Variants in SIN3B observed in about 807,000 individuals in gnomAD.
The protein encoded by SIN3B is SIN3 transcription regulator family member B, also known as paired amphipathic helix protein Sin3b.
A neutral mutation model predicts 120.2 loss-of-function variants in SIN3B; 19 were observed. The ratio of observed to expected loss-of-function variants is 0.16; its 90% CI spans 0.11 to 0.23. The LOEUF is 0.23. Ranked by LOEUF, SIN3B falls within the 10% of genes least tolerant of loss-of-function variation. The probability of loss-of-function intolerance (pLI) is 1.00; values close to 1 mark genes in which losing one functional copy is unlikely to be tolerated. For missense variants in SIN3B, 1,073 were observed against 1,573.0 expected (o/e 0.68, Z 5.38); for synonymous variants, 654 against 653.2 (o/e 1.00, Z -0.02).
chr19:16,869,169 C>T (rs1221025002), intron 12 of SIN3B, among the ~76,000 whole-genome samples: 1 of 152,158 alleles, frequency 6.6e-6, no homozygotes, highest in Non-Finnish European at 1.5e-5. Context: ...CCCCTGTGAA[C>T]CCCGCCCCAC....
intron 8 of SIN3B, among the ~76,000 whole-genome samples, chr19:16,861,861 C>T (rs944016697): frequency 1.3e-5 from 2 of 151,958 alleles, no homozygotes; most frequent in African/African-American, 2.4e-5. Context: ...CTTGAGCCCA[C>T]GAGTTTGAGG....
chr19:16,876,334 C>T lies in SIN3B; in HGVS notation c.2766+106C>T. The T allele has an allele frequency of 7.0e-7, 1 of 1,418,714 alleles. No homozygotes were observed. The highest frequency in any genetic ancestry group is 9.6e-7 in the Non-Finnish European group (1 of 1,042,316). 87.9% of individuals were successfully genotyped at this position (1,418,714 alleles called of 1,614,324 possible). ...TGGTTCAGCGGCTGGGACACCGGCC[C>T]TGCTGCAGAGCCCATGAGGTACCTT... On this transcript the variant is annotated intron_variant, in intron 15 of 18. Coordinates refer to ENST00000248054, the MANE Select transcript of SIN3B (RefSeq NM_001297595.2). This position sits in a 1 kb window ranked among gnomAD's most constrained non-coding sequence, Gnocchi z 7.1.
At chr19:16,873,225 C>T (rs376557146) in intron 14 of SIN3B, among the ~76,000 whole-genome samples, 6 of 152,252 alleles carry the variant, frequency 3.9e-5, no homozygotes, top group Admixed American at 6.5e-5. Flanking sequence ...AAGCTATCCA[C>T]GGTGTTTGCG....
Position 16,879,163 on chromosome 19 carries a change from G to T in SIN3B, c.*436G>T, listed in dbSNP as rs568857647. On this transcript the variant is annotated 3_prime_UTR_variant, in exon 19 of 19. Transcript: ENST00000248054. ...GAGACCCTGACAAGGAAGGAGTTGA[G>T]CCCTGGGTAGGCTTGCTTGAAAAGT... 2.9e-4 allele frequency: 55 copies of T among 191,276 alleles called. 1 individual carries two copies. The highest frequency in any genetic ancestry group is 2.6e-3 in the Admixed American group (46 of 17,956). The allele number at this position is 191,276 out of a possible 1,614,324, so 11.8% of individuals were successfully genotyped here.
chr19:16,867,847 C>T (rs1327143784), intron 12 of SIN3B, among the ~76,000 whole-genome samples: 1 of 152,204 alleles, frequency 6.6e-6, no homozygotes, highest in Non-Finnish European at 1.5e-5. Flanking sequence ...CTGGCTTCCT[C>T]ACTCTAGTCC....
At chr19:16,831,160 G>A (rs1971273864) in intron 2 of SIN3B, among the ~76,000 whole-genome samples, 1 of 151,742 alleles carries the variant, frequency 6.6e-6, no homozygotes, top group African/African-American at 2.4e-5. Flanking sequence ...CCTCCCGGGT[G>A]CAAGTGATTC....
At chr19:16,845,855 A>G (rs769819841) in intron 4 of SIN3B, among the ~76,000 whole-genome samples, 2 of 152,140 alleles carry the variant, frequency 1.3e-5, no homozygotes, top group Admixed American at 6.5e-5. Context: ...CCAAGTAACT[A>G]GGACCACAGG....
chr19:16,869,130 C>G (rs1045856944), intron 12 of SIN3B, among the ~76,000 whole-genome samples: 5 of 152,136 alleles, frequency 3.3e-5, no homozygotes, highest in African/African-American at 1.2e-4. Flanking sequence ...CTGGGCTGAG[C>G]GACAGACCCA....
rs377659017 is a variant in SIN3B at position 16,848,863 on chromosome 19, C to G, written c.726+1750C>G. On this transcript the variant is annotated intron_variant, in intron 5 of 18. Coordinates refer to ENST00000248054, the MANE Select transcript of SIN3B (RefSeq NM_001297595.2). ...ATGTTGTCCAGGTTGGTCTCAGACT[C>G]CTGGCCTCAAGCGATCCTCCCACCT... Among the ~76,000 whole-genome samples the G allele has an allele frequency of 1.4e-4, 22 of 152,334 alleles. 1 individual carries two copies. Among genetic ancestry groups the G allele is most frequent in the Middle Eastern group, 6.8e-3 (2 of 294 alleles).
intron 6 of SIN3B, 96 bp from the exon 7 acceptor site, chr19:16,852,973 A>T: frequency 1.0e-6 from 1 of 957,850 alleles, no homozygotes. Context: ...CCCAAAGGAG[A>T]GCACGGTCTT....
At chr19:16,859,087 G>A (rs984246705) in intron 8 of SIN3B, among the ~76,000 whole-genome samples, 2 of 152,188 alleles carry the variant, frequency 1.3e-5, no homozygotes, top group Admixed American at 1.3e-4. Flanking sequence ...CGAGGCAGAG[G>A]TTGCAGTGAG....
chr19:16,836,871 C>T (rs952520899), intron 3 of SIN3B, among the ~76,000 whole-genome samples: 3 of 152,208 alleles, frequency 2.0e-5, no homozygotes, highest in African/African-American at 7.2e-5. Flanking sequence ...CGCTAGTTGT[C>T]AACAAGTCGA....
At position 16,841,818 on chromosome 19, in the gene SIN3B, G is replaced by A. The variant is rs1391147179; in HGVS notation, c.432G>A (p.Val144=). 1 of 1,613,958 alleles carries A rather than the reference G, an allele frequency of 6.2e-7. No homozygotes were observed. Among genetic ancestry groups the A allele is most frequent in the Admixed American group, 1.7e-5 (1 of 59,978 alleles). ...GDGAEDFKQQ[V]PYKEDKPQVP... is the part of the protein sequence containing the mutation. ...GTGCAGAGGACTTCAAGCAGCAGGTGCCGTATAAAGAGGACAAACCCCAGG... is the reference window on the plus strand; with the variant it reads ...GTGCAGAGGACTTCAAGCAGCAGGTACCGTATAAAGAGGACAAACCCCAGG... Residue 144 remains valine, a synonymous_variant, in exon 4 of 19, where the codon GTG becomes GTA. Transcript: ENST00000248054.
chr19:16,838,970 CT>C lies in SIN3B; in HGVS notation c.382-2778del, dbSNP rs34648986. On this transcript the variant is annotated intron_variant, in intron 3 of 18. Coordinates refer to ENST00000248054, the MANE Select transcript of SIN3B (RefSeq NM_001297595.2). ...TACAGGTTCCAGCCACCGCGCCTGG[CT>C]TTTTTTTTTTTTTTTTTTTGAGATG... 3.4e-3 allele frequency among the ~76,000 whole-genome samples: 293 copies of C among 86,584 alleles called. 4 individuals carry two copies. The highest frequency in any genetic ancestry group is 0.012 in the African/African-American group (242 of 20,394). 56.8% of individuals were successfully genotyped at this position (86,584 alleles called of 152,430 possible).
At chr19:16,858,680 TG>T (rs1196799513) in intron 8 of SIN3B, among the ~76,000 whole-genome samples, 1 of 152,162 alleles carries the variant, frequency 6.6e-6, no homozygotes, top group Non-Finnish European at 1.5e-5. Flanking sequence ...CCGGGCCTGG[TG>T]GCTCACGCCT....
intron 8 of SIN3B, among the ~76,000 whole-genome samples, chr19:16,860,159 G>T (rs896966817): frequency 1.3e-5 from 2 of 152,190 alleles, no homozygotes; most frequent in East Asian, 3.9e-4. Context: ...ATTGAAGCGG[G>T]CCTCTGCGTG....
At position 16,877,617 on chromosome 19, in the gene SIN3B, C is replaced by T. The variant is rs754691733; in HGVS notation, c.2932C>T (p.Leu978=). 6.2e-7 allele frequency: 1 copy of T among 1,611,622 alleles called. No individual in the cohort carries two copies. Among genetic ancestry groups the T allele is most frequent in the Admixed American group, 1.7e-5 (1 of 59,766 alleles). ...ASSSPTEGFL[L]KPVFLQRNLK... ...CAGCTCGCCCACTGAGGGCTTCCTC[C>T]TGAAACCTGTGTTCCTGCAGAGGTA... The change falls in exon 17 of 19, where the codon CTG becomes TTG. Residue 978 remains leucine, a synonymous_variant. Coordinates refer to ENST00000248054, the MANE Select transcript of SIN3B (RefSeq NM_001297595.2).
chr19:16,875,228 G>C (rs1290288688), intron 14 of SIN3B, among the ~76,000 whole-genome samples: 1 of 144,768 alleles, frequency 6.9e-6, no homozygotes, highest in Non-Finnish European at 1.5e-5. Flanking sequence ...GTTTGGTCTG[G>C]TCTGGTCTGG....
Position 16,869,859 on chromosome 19 carries a change from C to G in SIN3B, c.2206C>G (p.Leu736Val). ...PLPPPAPHKP[L>V]DDVYSLFFAN... ...GCCGCCCCCAGCCCCGCACAAGCCC[C>G]TGGACGATGTCTACAGCCTATTTTT... Residue 736 changes from leucine to valine, a missense_variant, in exon 13 of 19, where the codon CTG (leucine) becomes GTG (valine). Around this residue, in one of 7 missense-constraint regions of SIN3B, gnomAD observed 169 missense variants for 207.3 expected, o/e 0.82. Transcript: ENST00000248054. The G allele has an allele frequency of 6.2e-7, 1 of 1,614,236 alleles. No individual in the cohort carries two copies. Among genetic ancestry groups the G allele is most frequent in the Non-Finnish European group, 8.5e-7 (1 of 1,180,038 alleles).
Sources: gnomAD v4.1 joint callset for allele counts (sites outside exome capture counted in the v4.1 genomes callset) on GRCh38, gnomAD v4.1.1 for gene constraint, gnomAD v4.1.1 regional missense constraint, Gnocchi (gnomAD v3.1) non-coding constraint, MANE v1.5 for transcripts, NCBI Gene and HGNC (gene_info 2026-07-23, HGNC 2026-07-21) for gene names.